Variants in SIRPB1 observed in about 807,000 individuals in gnomAD.
SIRPB1 encodes signal-regulatory protein beta-1.
SIRPB1 carries 28 observed loss-of-function variants against 34.1 expected under a neutral mutation model. The observed-to-expected ratio is 0.82, with a 90% CI of 0.61 to 1.12. The LOEUF (loss-of-function observed/expected upper bound fraction) is 1.12, where lower values mean the gene tolerates loss of function less well. SIRPB1 is among the 50% of genes most tolerant of loss of function. The probability of loss-of-function intolerance (pLI) is 0.00; values close to 1 mark genes in which losing one functional copy is unlikely to be tolerated. For missense variants in SIRPB1, 499 were observed against 507.0 expected, an observed-to-expected ratio of 0.98 and a Z score of 0.15; for synonymous variants, 211 against 203.8, an observed-to-expected ratio of 1.04 and a Z score of -0.30.
rs183071272 is a variant in SIRPB1 at position 1,603,145 on chromosome 20, T to C, written c.76+16724A>G. On this transcript the variant is annotated intron_variant, in intron 1 of 5. Coordinates refer to ENST00000381605, the MANE Select transcript of SIRPB1 (RefSeq NM_006065.5). ...GGTCTAATGCCTTGATCTAATTGTC[T>C]TCAACAATATCCCCCATTGCTTCCC... 1.3e-4 allele frequency: 21 copies of C among 165,028 alleles called. 10 individuals carry two copies. In the East Asian group the frequency reaches 3.9e-3, roughly 31 times the overall value. 10.2% of individuals were successfully genotyped at this position (165,028 alleles called of 1,614,324 possible).
At chr20:1,577,750 G>A (rs1434181293) in intron 2 of SIRPB1, among the ~76,000 whole-genome samples, 4 of 145,954 alleles carry the variant, frequency 2.7e-5, no homozygotes, top group Non-Finnish European at 4.6e-5. Context: ...TTCCCCGTGG[G>A]GTGTTTCTGA....
In SIRPB1 at chr20:1,562,672, A is replaced by G. The variant is rs966566732; in HGVS notation, c.*2828T>C. Among the ~76,000 whole-genome samples the G allele has an allele frequency of 6.6e-6, 1 of 152,208 alleles. No individual in the cohort carries two copies. Among genetic ancestry groups the G allele is most frequent in the African/African-American group, 2.4e-5 (1 of 41,454 alleles). On this transcript the variant is annotated 3_prime_UTR_variant, in exon 6 of 6. Coordinates refer to ENST00000381605, the MANE Select transcript of SIRPB1 (RefSeq NM_006065.5). The stretch of plus-strand genomic sequence containing the variant: ...TCAGTCCACAAATCACCATGGTAAT[A>G]AAAGCTCGTCATGATCAGTAACCAG...
In SIRPB1 at chr20:1,617,538, G is replaced by C. The variant is rs548735907; in HGVS notation, c.76+2331C>G. ...TTGGTTACCAGGCACTAGGCAGGGG[G>C]TGCATTTGGAGAGATATTGGTCAAA... On this transcript the variant is annotated intron_variant, in intron 1 of 5. Coordinates refer to ENST00000381605, the MANE Select transcript of SIRPB1 (RefSeq NM_006065.5). 9.8e-5 allele frequency among the ~76,000 whole-genome samples: 15 copies of C among 152,320 alleles called. No homozygotes were observed. In the East Asian group the frequency reaches 2.9e-3, roughly 29 times the overall value.
Position 1,564,980 on chromosome 20 carries a change from G to A in SIRPB1, c.*520C>T, listed in dbSNP as rs1287312627. The stretch of plus-strand genomic sequence containing the variant: ...TAGAAGAAATACTGTCTCCATCACA[G>A]AGAGAGAAGGGAGAGCTTCTTTCTT... On this transcript the variant is annotated 3_prime_UTR_variant, in exon 6 of 6. Transcript: ENST00000381605. 2.5e-6 allele frequency: 1 copy of A among 398,464 alleles called. No homozygotes were observed. Among genetic ancestry groups the A allele is most frequent in the Non-Finnish European group, 4.4e-6 (1 of 226,050 alleles). The allele number at this position is 398,464 out of a possible 1,614,324, so 24.7% of individuals were successfully genotyped here. A position where few individuals can be genotyped will look rare whatever the true frequency, so the allele number is the denominator to read the frequency against.
rs1381342860 is a variant in SIRPB1, at chr20:1,571,865, G to C, written c.606C>G (p.Asp202Glu). The C allele has an allele frequency of 3.1e-6, 5 of 1,614,110 alleles. No individual in the cohort carries two copies. Among genetic ancestry groups the C allele is most frequent in the African/African-American group, 2.7e-5 (2 of 74,930 alleles). The part of the protein sequence containing the change: ...DFQTNVDPAG[D>E]SVSYSIHSTA... ...TGCTGTGGATGCTGTAGGACACACT[G>C]TCTCCTGCGGGGTCCACGTTGGTCT... Residue 202 changes from aspartate (D) to glutamate (E), a missense_variant, in exon 3 of 6, where the codon GAC becomes GAG. Asp to Glu is a conservative substitution (Grantham distance 45). Transcript: ENST00000381605.
At chr20:1,614,349 C>T (rs919087253) in intron 1 of SIRPB1, among the ~76,000 whole-genome samples, 1 of 152,166 alleles carries the variant, frequency 6.6e-6, no homozygotes, top group Non-Finnish European at 1.5e-5. Context: ...AAAAATCATG[C>T]TTCAATATCC....
intron 4 of SIRPB1, 103 bp downstream of exon 4, chr20:1,570,702 C>T: frequency 1.0e-6 from 1 of 1,000,710 alleles, no homozygotes; most frequent in South Asian, 1.6e-5. Flanking sequence ...CGTTAAAATT[C>T]TACTTTATAT....
intron 1 of SIRPB1, 58 bp downstream of exon 1, chr20:1,619,811 G>A (rs2091682110): frequency 7.0e-6 from 9 of 1,282,492 alleles, no homozygotes; most frequent in Non-Finnish European, 1.0e-5. Flanking sequence ...TGAAAGTCCA[G>A]GGACAGGCCA....
In SIRPB1 at chr20:1,594,460, A is replaced by G. The variant is rs1312577475; in HGVS notation, c.77-15766T>C. Among the ~76,000 whole-genome samples the G allele has an allele frequency of 2.7e-4, 13 of 48,892 alleles. 6 individuals carry two copies. The East Asian group carries it at 6.4e-3, about 24-fold the overall frequency. 32.1% of individuals were successfully genotyped at this position (48,892 alleles called of 152,430 possible). A position where few individuals can be genotyped will look rare whatever the true frequency, so the allele number is the denominator to read the frequency against. On this transcript the variant is annotated intron_variant, in intron 1 of 5. Coordinates refer to ENST00000381605, the MANE Select transcript of SIRPB1 (RefSeq NM_006065.5). ...TTGGTGCAACATGGATAAAATTGGAATATTTGAAAGAACGGGGAGCCTGGA... is the reference window on the plus strand; with the variant it reads ...TTGGTGCAACATGGATAAAATTGGAGTATTTGAAAGAACGGGGAGCCTGGA...
intron 1 of SIRPB1, among the ~76,000 whole-genome samples, chr20:1,579,113 G>A (rs1007563737): frequency 1.4e-5 from 2 of 147,572 alleles, no homozygotes; most frequent in Non-Finnish European, 3.0e-5. Context: ...CACCATACCT[G>A]GCCAATTTTT....
At position 1,619,709 on chromosome 20, in the gene SIRPB1, C is replaced by T. The variant is rs552316671; in HGVS notation, c.76+160G>A. ...CCTCTGGTAGCCAGCTGCAGATCCACAGAGAAAGTGCTCAGCTCCCTGATT... is the reference window on the plus strand; with the variant it reads ...CCTCTGGTAGCCAGCTGCAGATCCATAGAGAAAGTGCTCAGCTCCCTGATT... On this transcript the variant is annotated intron_variant, in intron 1 of 5. Coordinates refer to ENST00000381605, the MANE Select transcript of SIRPB1 (RefSeq NM_006065.5). Among the ~76,000 whole-genome samples the T allele has an allele frequency of 2.0e-4, 30 of 152,340 alleles. 2 individuals carry two copies. Among genetic ancestry groups the T allele is most frequent in the African/African-American group, 7.2e-4 (30 of 41,566 alleles).
chr20:1,571,873 C>G lies in SIRPB1; in HGVS notation c.598G>C (p.Ala200Pro). Reference sequence around the variant, plus strand: ...ATGCTGTAGGACACACTGTCTCCTGCGGGGTCCACGTTGGTCTGGAAGTCT... The same window carrying G: ...ATGCTGTAGGACACACTGTCTCCTGGGGGGTCCACGTTGGTCTGGAAGTCT... ...LSDFQTNVDP[A>P]GDSVSYSIHS... The change falls in exon 3 of 6, where the codon GCA becomes CCA. Residue 200 changes from alanine to proline, a missense_variant. Coordinates refer to ENST00000381605, the MANE Select transcript of SIRPB1 (RefSeq NM_006065.5). 4.3e-6 allele frequency: 7 copies of G among 1,614,182 alleles called. No homozygotes were observed. The highest frequency in any genetic ancestry group is 5.1e-6 in the Non-Finnish European group (6 of 1,180,024).
chr20:1,571,032 C>A lies in SIRPB1; in HGVS notation c.857G>T (p.Trp286Leu). Residue 286 changes from tryptophan (W) to leucine (L), a missense_variant, in exon 4 of 6, where the codon TGG becomes TTG. Trp to Leu is a moderately conservative substitution (Grantham distance 61). Transcript: ENST00000381605. Reference sequence around the variant, plus strand: ...CCGGGACACATTTCCATTCTCCAACCAGGTCAGCTGTAGTCCCCGGGGGTA... The same window carrying A: ...CCGGGACACATTTCCATTCTCCAACAAGGTCAGCTGTAGTCCCCGGGGGTA... ...NFYPRGLQLT[W>L]LENGNVSRTE... 6.2e-7 allele frequency: 1 copy of A among 1,614,182 alleles called. No individual in the cohort carries two copies. Among genetic ancestry groups the A allele is most frequent in the Non-Finnish European group, 8.5e-7 (1 of 1,180,026 alleles).
Position 1,613,007 on chromosome 20 carries a change from T to G in SIRPB1, c.76+6862A>C. On this transcript the variant is annotated intron_variant, in intron 1 of 5. Coordinates refer to ENST00000381605, the MANE Select transcript of SIRPB1 (RefSeq NM_006065.5). ...TTCTAGTTAATAATGTTGTATTGAA[T>G]TCTGTATTTTTGCTTAAAAAGCACA... is the stretch of plus-strand genomic sequence containing the variant. Among the ~76,000 whole-genome samples the G allele has an allele frequency of 2.8e-5, 2 of 72,608 alleles. 1 individual carries two copies. The highest frequency in any genetic ancestry group is 5.2e-5 in the Non-Finnish European group (2 of 38,658). 47.6% of individuals were successfully genotyped at this position (72,608 alleles called of 152,430 possible). A position where few individuals can be genotyped will look rare whatever the true frequency, so the allele number is the denominator to read the frequency against.
At position 1,612,408 on chromosome 20, in the gene SIRPB1, G is replaced by A. The variant is rs1196538189; in HGVS notation, c.76+7461C>T. On this transcript the variant is annotated intron_variant, in intron 1 of 5. Coordinates refer to ENST00000381605, the MANE Select transcript of SIRPB1 (RefSeq NM_006065.5). The stretch of plus-strand genomic sequence containing the variant: ...ATGTGCCTCCACTCTGTGGCTACAT[G>A]GAGTGTTGCACTTTTTGCATCAATG... Among the ~76,000 whole-genome samples, 4 of 72,744 alleles carry A rather than the reference G, an allele frequency of 5.5e-5. 2 individuals are homozygous for A. Among genetic ancestry groups the A allele is most frequent in the African/African-American group, 1.7e-4 (2 of 11,512 alleles). The allele number at this position is 72,744 out of a possible 152,430, so 47.7% of individuals were successfully genotyped here. A position where few individuals can be genotyped will look rare whatever the true frequency, so the allele number is the denominator to read the frequency against.
chr20:1,561,493 C>T lies in SIRPB1; in HGVS notation c.*4007G>A, dbSNP rs1396922457. Reference sequence around the variant, plus strand: ...CCTGTTACATTTACTTGTCATATCTCCTCAAGCTTCTCTTGGCTATGACAG... The same window carrying T: ...CCTGTTACATTTACTTGTCATATCTTCTCAAGCTTCTCTTGGCTATGACAG... On this transcript the variant is annotated 3_prime_UTR_variant, in exon 6 of 6. Coordinates refer to ENST00000381605, the MANE Select transcript of SIRPB1 (RefSeq NM_006065.5). Among the ~76,000 whole-genome samples the T allele has an allele frequency of 6.6e-6, 1 of 152,062 alleles. No individual in the cohort carries two copies. Among genetic ancestry groups the T allele is most frequent in the African/African-American group, 2.4e-5 (1 of 41,430 alleles).
At chr20:1,605,732 A>G in intron 1 of SIRPB1, 1 of 150,660 alleles carries the variant, frequency 6.6e-6, no homozygotes, top group South Asian at 5.7e-5. Flanking sequence ...TTATAAAAAT[A>G]TGAAACATTC....
chr20:1,572,105 C>G (rs2091250690), intron 2 of SIRPB1, 68 bp from the exon 3 acceptor site: 1 of 1,608,742 alleles, frequency 6.2e-7, no homozygotes, highest in Non-Finnish European at 8.5e-7. Context: ...AAGCGTTTGA[C>G]ATGTTAAGAA....
chr20:1,576,677 C>T (rs1568688472), intron 2 of SIRPB1, among the ~76,000 whole-genome samples: 2 of 148,304 alleles, frequency 1.3e-5, no homozygotes, highest in African/African-American at 4.9e-5. Context: ...GAGGCTGAGG[C>T]GGGTGGATCA....
Sources: gnomAD v4.1 joint callset for allele counts (sites outside exome capture counted in the v4.1 genomes callset) on GRCh38, gnomAD v4.1.1 for gene constraint, MANE v1.5 for transcripts, NCBI Gene and HGNC (gene_info 2026-07-23, HGNC 2026-07-21) for gene names.